MAN2A2: variants seen among roughly 807,000 people sequenced by gnomAD.
The protein encoded by MAN2A2 is mannosidase alpha class 2A member 2.
A neutral mutation model predicts 126.8 loss-of-function variants in MAN2A2; 79 were observed. That is an observed-to-expected ratio of 0.62 (90% confidence interval 0.52 to 0.75). The LOEUF is 0.75. Ranked by LOEUF, MAN2A2 falls within the 30% of genes least tolerant of loss-of-function variation. MAN2A2 has a pLI of 0.00. For missense variants in MAN2A2, 1,392 were observed against 1,522.4 expected (o/e 0.91, Z 1.43); for synonymous variants, 671 against 618.7 (o/e 1.08, Z -1.25).
chr15:90,916,370 GT>G, intron 20 of MAN2A2, 114 bp downstream of exon 20: 1 of 1,394,574 alleles, frequency 7.2e-7, no homozygotes, highest in Non-Finnish European at 9.8e-7. Flanking sequence ...GAGAGAGAGA[GT>G]AGGGCTGAAT....
Position 90,910,237 on chromosome 15 carries a change from T to G in MAN2A2, c.1522T>G (p.Tyr508Asp), listed in dbSNP as rs781339178. The change falls in exon 10 of 23, where the codon TAC (tyrosine) becomes GAC (aspartate). Residue 508 changes from tyrosine (Y) to aspartate (D), a missense_variant. Physicochemically the swap from Tyr to Asp is radical, Grantham distance 160 (BLOSUM62 -3). Coordinates refer to ENST00000559717, the MANE Select transcript of MAN2A2 (RefSeq NM_006122.4). ...DREDHYWTGYYTSRPFYKSLD... is the reference protein window; with the variant it reads ...DREDHYWTGYDTSRPFYKSLD... The stretch of plus-strand genomic sequence containing the variant: ...GGAGGATCATTACTGGACAGGCTAT[T>G]ACACTTCCCGGCCCTTCTACAAGAG... The G allele has an allele frequency of 6.2e-7, 1 of 1,614,196 alleles. No homozygotes were observed. Among genetic ancestry groups the G allele is most frequent in the Non-Finnish European group, 8.5e-7 (1 of 1,180,036 alleles).
intron 17 of MAN2A2, 50 bp downstream of exon 17, chr15:90,913,041 A>G (rs368289591): frequency 1.4e-5 from 20 of 1,450,318 alleles, no homozygotes; most frequent in African/African-American, 1.1e-4. Context: ...GGGCTCCACA[A>G]CTGTGGCGTA....
chr15:90,905,358 C>T lies in MAN2A2; in HGVS notation c.240C>T (p.Ala80=), dbSNP rs773553662. 6 of 1,613,880 alleles carry T rather than the reference C, an allele frequency of 3.7e-6. No individual in the cohort carries two copies. The South Asian group carries it at 6.6e-5, about 18-fold the overall frequency. ...HIKDSVLELT[A]NAEGPPAMLP... is the part of the protein sequence containing the mutation. ...AGGACTCCGTGCTGGAGCTGACAGC[C>T]AACGCAGAGGGCCCGCCCGCCATGC... The change falls in exon 3 of 23, where the codon GCC becomes GCT. Residue 80 remains alanine, a synonymous_variant. Coordinates refer to ENST00000559717, the MANE Select transcript of MAN2A2 (RefSeq NM_006122.4).
intron 6 of MAN2A2, 116 bp downstream of exon 6, chr15:90,906,613 G>A: frequency 6.4e-7 from 1 of 1,567,624 alleles, no homozygotes; most frequent in Non-Finnish European, 8.7e-7. Context: ...CCCACCATGT[G>A]GGCCTGGTGT....
rs543230678 is a variant in MAN2A2, at chr15:90,904,839, C to A, written c.133-412C>A. On this transcript the variant is annotated intron_variant, in intron 2 of 22. Transcript: ENST00000559717. ...TGAACTCCTGACCTCAGGTGATCCA[C>A]CCACCTTGGCCTCCCAAAGTGCTGG... 2.0e-5 allele frequency among the ~76,000 whole-genome samples: 3 copies of A among 152,344 alleles called. No homozygotes were observed. The East Asian group carries it at 5.8e-4, about 29-fold the overall frequency.
chr15:90,904,603 T>A (rs1434691620), intron 2 of MAN2A2, among the ~76,000 whole-genome samples: 1 of 151,930 alleles, frequency 6.6e-6, no homozygotes, highest in African/African-American at 2.4e-5. Flanking sequence ...CTTTTTTTTT[T>A]TTTTGAGACA....
chr15:90,909,994 G>A (rs1193484234), intron 9 of MAN2A2, 96 bp from the exon 10 acceptor site: 4 of 1,079,922 alleles, frequency 3.7e-6, no homozygotes, highest in Non-Finnish European at 5.4e-6. Flanking sequence ...TGCTTCTGAG[G>A]CCAGAGCCCC....
chr15:90,913,021 AAGG>A, intron 17 of MAN2A2, 30 bp downstream of exon 17: 3 of 1,574,446 alleles, frequency 1.9e-6, no homozygotes, highest in South Asian at 2.2e-5. Flanking sequence ...AAGGGTCTGG[AAGG>A]AGGTGTGGGC....
At position 90,912,979 on chromosome 15, in the gene MAN2A2, T is replaced by C; in HGVS notation, c.2572T>C (p.Tyr858His). The change falls in exon 17 of 23, where the codon TAC (tyrosine) becomes CAC (histidine). Residue 858 changes from tyrosine (Y) to histidine (H), a missense_variant. Coordinates refer to ENST00000559717, the MANE Select transcript of MAN2A2 (RefSeq NM_006122.4). The part of the protein sequence containing the change: ...YEHIHQAVRL[Y>H]NLPGVEGLSL... ...GCACATTCACCAGGCGGTCCGGCTT[T>C]ACAATCTGCCAGGTGAGCCCTGCAT... The C allele has an allele frequency of 6.2e-7, 1 of 1,613,646 alleles. No individual in the cohort carries two copies. Among genetic ancestry groups the C allele is most frequent in the Non-Finnish European group, 8.5e-7 (1 of 1,179,666 alleles).
At chr15:90,914,908 G>A (rs2035047852) in intron 19 of MAN2A2, among the ~76,000 whole-genome samples, 1 of 152,202 alleles carries the variant, frequency 6.6e-6, no homozygotes, top group South Asian at 2.1e-4. Context: ...AGCTCTGTGT[G>A]GCCCCCATAT....
Position 90,910,827 on chromosome 15 carries a change from C to G in MAN2A2, c.1761-20C>G, listed in dbSNP as rs370449250. The stretch of plus-strand genomic sequence containing the variant: ...CCCTATGGTCATCTTCTCTCCTTCC[C>G]TCTCCTGCGCCACCCACAGGCTTCT... On this transcript the variant is annotated intron_variant, in intron 11 of 22. Coordinates refer to ENST00000559717, the MANE Select transcript of MAN2A2 (RefSeq NM_006122.4). 9.3e-6 allele frequency: 15 copies of G among 1,609,390 alleles called. No individual in the cohort carries two copies. The highest frequency in any genetic ancestry group is 2.6e-6 in the Non-Finnish European group (3 of 1,176,288).
In MAN2A2 at chr15:90,906,413, G is replaced by A. The variant is rs1367746263; in HGVS notation, c.751G>A (p.Val251Met). 1 of 1,614,174 alleles carries A rather than the reference G, an allele frequency of 6.2e-7. No individual in the cohort carries two copies. The highest frequency in any genetic ancestry group is 1.1e-5 in the South Asian group (1 of 91,078). The change falls in exon 6 of 23, where the codon GTG (valine) becomes ATG (methionine). Residue 251 changes from valine to methionine, a missense_variant. By Grantham distance (21) the Val-to-Met change is conservative. Transcript: ENST00000559717. ...GCTGGAGATTGCGACAGGAGGCTGG[G>A]TGATGCCAGATGAGGCCAATTCCCA... ...GQLEIATGGW[V>M]MPDEANSHYF...
At chr15:90,910,455 C>G (rs200814020) in intron 10 of MAN2A2, 46 bp from the exon 11 acceptor site, 186 of 1,606,744 alleles carry the variant, frequency 1.2e-4, no homozygotes, top group Non-Finnish European at 1.5e-4. Context: ...GTGGGTGGGC[C>G]CTGGCTAGTG....
chr15:90,904,360 A>G (rs774788334), intron 2 of MAN2A2, 21 bp downstream of exon 2: 2 of 1,610,032 alleles, frequency 1.2e-6, no homozygotes, highest in Non-Finnish European at 1.7e-6. Context: ...CCTGGTTGCT[A>G]ATTTCTTTGT....
Position 90,911,841 on chromosome 15 carries a change from T to G in MAN2A2, c.2110-202T>G, listed in dbSNP as rs182911131. On this transcript the variant is annotated intron_variant, in intron 14 of 22. Transcript: ENST00000559717. The stretch of plus-strand genomic sequence containing the variant: ...CGAAAGCTTAATGTGTTGTTACCGC[T>G]TCATACTTTTTCAAATATCACTTGA... The G allele has an allele frequency of 3.0e-5, 19 of 630,188 alleles. No individual in the cohort carries two copies. In the African/African-American group the frequency reaches 3.3e-4, roughly 11 times the overall value. The allele number at this position is 630,188 out of a possible 1,614,324, so 39.0% of individuals were successfully genotyped here. A position where few individuals can be genotyped will look rare whatever the true frequency, so the allele number is the denominator to read the frequency against.
chr15:90,910,647 C>T lies in MAN2A2; in HGVS notation c.1724C>T (p.Thr575Met), dbSNP rs764642662. 11 of 1,614,016 alleles carry T rather than the reference C, an allele frequency of 6.8e-6. No individual in the cohort carries two copies. The highest frequency in any genetic ancestry group is 2.2e-5 in the East Asian group (1 of 44,898). Reference protein sequence around the residue: ...LFQHHDAITGTAKEAVVVDYG... With the variant: ...LFQHHDAITGMAKEAVVVDYG... ...CAGCATCACGATGCCATCACTGGCACGGCCAAGGAGGCTGTGGTGGTGGAC... is the reference window on the plus strand; with the variant it reads ...CAGCATCACGATGCCATCACTGGCATGGCCAAGGAGGCTGTGGTGGTGGAC... Residue 575 changes from threonine to methionine, a missense_variant, in exon 11 of 23, where the codon ACG becomes ATG. Transcript: ENST00000559717.
rs1567135046 is a variant in MAN2A2 at position 90,918,673 on chromosome 15, C to T, written c.3218C>T (p.Ala1073Val). Residue 1073 changes from alanine (A) to valine (V), a missense_variant, in exon 22 of 23, where the codon GCA (alanine) becomes GTA (valine). By Grantham distance (64) the Ala-to-Val change is moderately conservative (BLOSUM62 0). Transcript: ENST00000559717. ...GACACCCTACCCTCGGCGGAGACCG[C>T]ACTCATCTTACACCGCAAGGGTTTT... ...EEDTLPSAET[A>V]LILHRKGFDC... 6.6e-7 allele frequency: 1 copy of T among 1,521,212 alleles called. No homozygotes were observed. Among genetic ancestry groups the T allele is most frequent in the Non-Finnish European group, 9.1e-7 (1 of 1,095,874 alleles). The allele number at this position is 1,521,212 out of a possible 1,614,324, so 94.2% of individuals were successfully genotyped here.
At chr15:90,916,031 C>A in intron 19 of MAN2A2, 92 bp from the exon 20 acceptor site, 1 of 1,440,876 alleles carries the variant, frequency 6.9e-7, no homozygotes, top group South Asian at 1.3e-5. Flanking sequence ...CTGCGCTTTT[C>A]CGTCAGGGCC....
In MAN2A2 at chr15:90,911,452, C is replaced by A. The variant is rs781445101; in HGVS notation, c.2011C>A (p.Pro671Thr). 3.7e-6 allele frequency: 6 copies of A among 1,614,212 alleles called. No homozygotes were observed. In the Admixed American group the frequency reaches 1.0e-4, roughly 27 times the overall value. ...CATGGTGTCCCTGCTGGTCAACTCT[C>A]CCCGCGTGCGTGTCCTTTCGGAGGA... Reference protein sequence around the residue: ...FSMVSLLVNSPRVRVLSEEGQ... With the variant: ...FSMVSLLVNSTRVRVLSEEGQ... Residue 671 changes from proline to threonine, a missense_variant, in exon 14 of 23, where the codon CCC (proline) becomes ACC (threonine). Physicochemically the swap from Pro to Thr is conservative, Grantham distance 38. Transcript: ENST00000559717.
Sources: gnomAD v4.1 joint callset for allele counts (sites outside exome capture counted in the v4.1 genomes callset) on GRCh38, gnomAD v4.1.1 for gene constraint, MANE v1.5 for transcripts, NCBI Gene and HGNC (gene_info 2026-07-23, HGNC 2026-07-21) for gene names.